Variants in TRPM7 observed in about 807,000 individuals in gnomAD.
TRPM7 encodes the protein LTRPC ion channel family member 7.
TRPM7 carries 134 observed loss-of-function variants against 229.7 expected under a neutral mutation model. The observed-to-expected ratio is 0.58, with a 90% CI of 0.51 to 0.67. TRPM7 has a LOEUF of 0.67. Among genes scored for constraint, TRPM7 ranks in the 30% least tolerant of loss-of-function variants. TRPM7 has a pLI of 0.00. For missense variants in TRPM7, 1,901 were observed against 2,210.0 expected, an observed-to-expected ratio of 0.86 and a Z score of 2.80; for synonymous variants, 699 against 715.2, an observed-to-expected ratio of 0.98 and a Z score of 0.36.
intron 23 of TRPM7, among the ~76,000 whole-genome samples, chr15:50,595,706 C>CA (rs1308752888): frequency 2.0e-5 from 3 of 151,236 alleles, no homozygotes; most frequent in Non-Finnish European, 3.0e-5. Context: ...ACTAAAAATA[C>CA]AAAAAAAATC....
At position 50,643,633 on chromosome 15, in the gene TRPM7, A is replaced by T. The variant is rs978505761; in HGVS notation, c.322-80T>A. 4.7e-5 allele frequency: 50 copies of T among 1,066,192 alleles called. 1 individual carries two copies. The highest frequency in any genetic ancestry group is 3.3e-4 in the South Asian group (23 of 69,152). The allele number at this position is 1,066,192 out of a possible 1,614,324, so 66.0% of individuals were successfully genotyped here. ...ATGTGACATTATATGACTTTGGAAA[A>T]TTTTATATGAATCAGATTATGTAAA... On this transcript the variant is annotated intron_variant, in intron 4 of 38. Coordinates refer to ENST00000646667, the MANE Select transcript of TRPM7 (RefSeq NM_017672.6).
intron 1 of TRPM7, among the ~76,000 whole-genome samples, chr15:50,680,098 G>T (rs2062209542): frequency 6.6e-6 from 1 of 152,000 alleles, no homozygotes. Flanking sequence ...GCTGGGCATG[G>T]TGGCGGGTGC....
chr15:50,650,569 C>G (rs1474133474), intron 3 of TRPM7, among the ~76,000 whole-genome samples: 1 of 152,032 alleles, frequency 6.6e-6, no homozygotes, highest in Non-Finnish European at 1.5e-5. Context: ...GTGGCGTACG[C>G]TTGTAGTCCC....
intron 5 of TRPM7, among the ~76,000 whole-genome samples, chr15:50,642,956 T>C (rs2061147027): frequency 1.3e-5 from 2 of 152,162 alleles, no homozygotes; most frequent in Non-Finnish European, 2.9e-5. Flanking sequence ...TATATCTATA[T>C]TCAGTGTTGA....
chr15:50,682,899 CTTT>C (rs11437624), intron 1 of TRPM7, among the ~76,000 whole-genome samples: 1 of 143,276 alleles, frequency 7.0e-6, no homozygotes. Flanking sequence ...CGGTACCAAA[CTTT>C]TTTTTTTTTT....
intron 3 of TRPM7, among the ~76,000 whole-genome samples, chr15:50,652,380 A>C (rs2140863906): frequency 6.6e-6 from 1 of 151,224 alleles, no homozygotes; most frequent in East Asian, 1.9e-4. Context: ...AGAAAAGAGA[A>C]AAATCGTGGG....
rs1490445014 is a variant in TRPM7, at chr15:50,611,314, C to G, written c.2059G>C (p.Gly687Arg). The G allele has an allele frequency of 1.2e-6, 2 of 1,611,942 alleles. No homozygotes were observed. Among genetic ancestry groups the G allele is most frequent in the Non-Finnish European group, 1.7e-6 (2 of 1,179,076 alleles). Residue 687 changes from glycine (G) to arginine (R), a missense_variant, in exon 17 of 39, where the codon GGT becomes CGT. Gly to Arg is a moderately radical substitution (Grantham distance 125). This residue lies in a region of TRPM7 where 794 missense variants were observed against 881.9 expected (regional missense o/e 0.90). Coordinates refer to ENST00000646667, the MANE Select transcript of TRPM7 (RefSeq NM_017672.6). ...EELKQYSNDF[G>R]QLAVELLEQS... ...TCTAATAATTCAACGGCCAACTGAC[C>G]AAAATCACTATAAAAAGATAAAAGC...
intron 3 of TRPM7, among the ~76,000 whole-genome samples, chr15:50,651,782 C>T (rs71471506): frequency 0.046 from 7,041 of 151,926 alleles, 218 homozygotes; most frequent in Non-Finnish European, 0.073. Flanking sequence ...CCCAGCTACT[C>T]GGGAGGCTGA....
chr15:50,619,723 A>G, intron 13 of TRPM7, 22 bp downstream of exon 13: 1 of 1,549,624 alleles, frequency 6.5e-7, no homozygotes, highest in African/African-American at 1.4e-5. Flanking sequence ...ACATTTTTCA[A>G]AAGCAAAAAA....
At chr15:50,620,479 T>C (rs2060362371) in intron 12 of TRPM7, among the ~76,000 whole-genome samples, 1 of 152,180 alleles carries the variant, frequency 6.6e-6, no homozygotes, top group African/African-American at 2.4e-5. Flanking sequence ...TCTTTATATA[T>C]ACTGTTAGAG....
At chr15:50,669,737 T>C (rs989243324) in intron 1 of TRPM7, among the ~76,000 whole-genome samples, 1 of 152,100 alleles carries the variant, frequency 6.6e-6, no homozygotes, top group African/African-American at 2.4e-5. Flanking sequence ...TAGGCTGACC[T>C]TGCTTTCTCC....
At position 50,686,683 on chromosome 15, in the gene TRPM7, G is replaced by T. The variant is rs1292020841; in HGVS notation, c.-150C>A. 2 of 1,005,972 alleles carry T rather than the reference G, an allele frequency of 2.0e-6. No individual in the cohort carries two copies. The highest frequency in any genetic ancestry group is 2.8e-6 in the Non-Finnish European group (2 of 704,016). 62.3% of individuals were successfully genotyped at this position (1,005,972 alleles called of 1,614,324 possible). ...GGGAAACCTTCTCAGAACTAACTCAGCTCCGGCGCTAGCAGCAGAAGCCGA... is the reference window on the plus strand; with the variant it reads ...GGGAAACCTTCTCAGAACTAACTCATCTCCGGCGCTAGCAGCAGAAGCCGA... On this transcript the variant is annotated 5_prime_UTR_variant, in exon 1 of 39. It adds an upstream start codon to the 5' untranslated region. Transcript: ENST00000646667.
intron 3 of TRPM7, among the ~76,000 whole-genome samples, chr15:50,652,054 C>T (rs577535054): frequency 6.6e-6 from 1 of 150,662 alleles, no homozygotes; most frequent in Admixed American, 6.6e-5. Context: ...CAGAATGGGC[C>T]GGGTGCGGTG....
At chr15:50,650,947 T>C (rs2061405821) in intron 3 of TRPM7, among the ~76,000 whole-genome samples, 1 of 152,154 alleles carries the variant, frequency 6.6e-6, no homozygotes, top group Non-Finnish European at 1.5e-5. Context: ...CTAGTATTTT[T>C]GAAAATGGAG....
chr15:50,633,221 CAA>C (rs2060790628), intron 8 of TRPM7, among the ~76,000 whole-genome samples: 1 of 152,036 alleles, frequency 6.6e-6, no homozygotes, highest in South Asian at 2.1e-4. Flanking sequence ...TGAATTTTAT[CAA>C]AAAGTATGTG....
intron 12 of TRPM7, among the ~76,000 whole-genome samples, chr15:50,621,172 A>AC (rs2060393376): frequency 6.6e-6 from 1 of 151,454 alleles, no homozygotes; most frequent in Non-Finnish European, 1.5e-5. Context: ...AAAAAAAAAA[A>AC]AAAAAAAAAA....
At chr15:50,615,559 T>C (rs1233201058) in intron 13 of TRPM7, among the ~76,000 whole-genome samples, 1 of 152,198 alleles carries the variant, frequency 6.6e-6, no homozygotes, top group African/African-American at 2.4e-5. Flanking sequence ...TTTGTATTTT[T>C]TAACTAATTC....
At chr15:50,631,351 C>A in intron 10 of TRPM7, 66 bp downstream of exon 10, 1 of 907,928 alleles carries the variant, frequency 1.1e-6, no homozygotes, top group Non-Finnish European at 1.7e-6. Context: ...CATATACACA[C>A]ATACACACAC....
intron 20 of TRPM7, among the ~76,000 whole-genome samples, 155 bp downstream of exon 20, chr15:50,607,045 A>G (rs1202228074): frequency 6.6e-6 from 1 of 152,174 alleles, no homozygotes; most frequent in Admixed American, 6.5e-5. Context: ...TTCTTTTGCC[A>G]TTATTTTGGG....
Sources: gnomAD v4.1 joint callset for allele counts (sites outside exome capture counted in the v4.1 genomes callset) on GRCh38, gnomAD v4.1.1 for gene constraint, gnomAD v4.1.1 regional missense constraint, MANE v1.5 for transcripts, NCBI Gene and HGNC (gene_info 2026-07-23, HGNC 2026-07-21) for gene names.